The following NUDCD1 variants were observed in gnomAD, a reference collection of about 807,000 sequenced individuals.
NUDCD1 encodes nudC domain-containing protein 1.
Under a neutral mutation model 67.8 loss-of-function variants are expected in NUDCD1, and 60 were observed. That is an observed-to-expected ratio of 0.88 (90% CI 0.72 to 1.10). NUDCD1 has a LOEUF of 1.10. NUDCD1 is among the 50% of genes least tolerant of loss of function. The pLI, the probability that NUDCD1 is intolerant of heterozygous loss-of-function variation, is 0.00. For missense variants in NUDCD1, 643 were observed against 695.0 expected (o/e 0.93, Z 0.84); for synonymous variants, 244 against 230.8 (o/e 1.06, Z -0.52).
rs1439587996 is a variant in NUDCD1, at chr8:109,267,125, AT to A, written c.1299+3879del. Among the ~76,000 whole-genome samples the A allele has an allele frequency of 4.6e-5, 7 of 152,300 alleles. No individual in the cohort carries two copies. In the East Asian group the frequency reaches 7.7e-4, roughly 17 times the overall value. Reference sequence around the variant, plus strand: ...TAGTAATAGAAAAATCAAAACGCTTATAATTTTTAAATTTTATGTTCAGGGG... The same window carrying A: ...TAGTAATAGAAAAATCAAAACGCTTAAATTTTTAAATTTTATGTTCAGGGG... On this transcript the variant is annotated intron_variant, in intron 8 of 9. Coordinates refer to ENST00000239690, the MANE Select transcript of NUDCD1 (RefSeq NM_032869.4).
chr8:109,330,942 C>T (rs1449889919), intron 1 of NUDCD1, among the ~76,000 whole-genome samples: 2 of 152,040 alleles, frequency 1.3e-5, no homozygotes, highest in Non-Finnish European at 2.9e-5. Flanking sequence ...GCATGCTGGG[C>T]TTAATACCTA....
chr8:109,274,939 C>T (rs138217475), intron 7 of NUDCD1, among the ~76,000 whole-genome samples: 267 of 152,154 alleles, frequency 1.8e-3, no homozygotes, highest in African/African-American at 6.2e-3. Context: ...AATAACTATA[C>T]TATATATGAT....
At chr8:109,285,972 T>C (rs1357984822) in intron 5 of NUDCD1, among the ~76,000 whole-genome samples, 2 of 152,036 alleles carry the variant, frequency 1.3e-5, no homozygotes, top group Non-Finnish European at 1.5e-5. Context: ...AATCAATGTA[T>C]GAAAATCAGT....
At chr8:109,305,132 C>T (rs899303373) in intron 2 of NUDCD1, among the ~76,000 whole-genome samples, 5 of 152,136 alleles carry the variant, frequency 3.3e-5, no homozygotes, top group Admixed American at 3.3e-4. Flanking sequence ...TTCAGGCCCC[C>T]TCCCTTCCCT....
At chr8:109,279,648 T>C (rs1200442481) in intron 6 of NUDCD1, among the ~76,000 whole-genome samples, 1 of 152,154 alleles carries the variant, frequency 6.6e-6, no homozygotes, top group East Asian at 1.9e-4. Flanking sequence ...TTCTTTCTTT[T>C]TTTTTTGAGA....
chr8:109,276,227 G>C (rs1027063368), intron 6 of NUDCD1, among the ~76,000 whole-genome samples: 3 of 152,210 alleles, frequency 2.0e-5, no homozygotes, highest in African/African-American at 4.8e-5. Flanking sequence ...AAGGGAAAGA[G>C]AGCAGAGTCA....
At chr8:109,319,531 C>T (rs1001826438) in intron 2 of NUDCD1, among the ~76,000 whole-genome samples, 2 of 152,136 alleles carry the variant, frequency 1.3e-5, no homozygotes, top group African/African-American at 4.8e-5. Flanking sequence ...TCAAGGCAAG[C>T]TTGCTAGATG....
chr8:109,258,456 G>A (rs549100857), intron 8 of NUDCD1, among the ~76,000 whole-genome samples: 1 of 151,932 alleles, frequency 6.6e-6, no homozygotes, highest in African/African-American at 2.4e-5. Flanking sequence ...CAGGAACATA[G>A]ACTTCATCTC....
chr8:109,319,549 G>A (rs1345831042), intron 2 of NUDCD1, among the ~76,000 whole-genome samples: 2 of 152,136 alleles, frequency 1.3e-5, no homozygotes, highest in Non-Finnish European at 2.9e-5. Context: ...ATGACAAAAT[G>A]GTTACCTAGG....
At chr8:109,251,940 T>C (rs1813632129) in intron 8 of NUDCD1, among the ~76,000 whole-genome samples, 1 of 152,170 alleles carries the variant, frequency 6.6e-6, no homozygotes, top group South Asian at 2.1e-4. Context: ...ACGTGTGCCA[T>C]GTTTCATCTT....
chr8:109,294,290 A>G lies in NUDCD1; in HGVS notation c.460-766T>C, dbSNP rs563591903. Among the ~76,000 whole-genome samples, 7 of 152,210 alleles carry G rather than the reference A, an allele frequency of 4.6e-5. No homozygotes were observed. The South Asian group carries it at 1.5e-3, about 32-fold the overall frequency. ...CTGGTATCCCCACATATCTACTTCTACTTGAAAACCTTACAAAGAAAAATG... is the reference window on the plus strand; with the variant it reads ...CTGGTATCCCCACATATCTACTTCTGCTTGAAAACCTTACAAAGAAAAATG... On this transcript the variant is annotated intron_variant, in intron 3 of 9. Coordinates refer to ENST00000239690, the MANE Select transcript of NUDCD1 (RefSeq NM_032869.4).
chr8:109,255,950 C>T (rs1813726944), intron 8 of NUDCD1, among the ~76,000 whole-genome samples: 1 of 152,180 alleles, frequency 6.6e-6, no homozygotes, highest in Non-Finnish European at 1.5e-5. Flanking sequence ...TGACTCACAC[C>T]TGTTATCCCA....
chr8:109,247,917 C>T (rs1357452484), intron 8 of NUDCD1, among the ~76,000 whole-genome samples: 2 of 135,938 alleles, frequency 1.5e-5, no homozygotes, highest in African/African-American at 5.0e-5. Context: ...ATCTAAATCC[C>T]TTGGAACCTG....
At chr8:109,331,731 A>G (rs1457462807) in intron 1 of NUDCD1, among the ~76,000 whole-genome samples, 1 of 152,154 alleles carries the variant, frequency 6.6e-6, no homozygotes. Context: ...GTTTATGAAA[A>G]GATAGATGAG....
intron 5 of NUDCD1, among the ~76,000 whole-genome samples, chr8:109,284,547 A>C (rs1458524337): frequency 6.6e-6 from 1 of 152,146 alleles, no homozygotes; most frequent in Admixed American, 6.5e-5. Flanking sequence ...AGTCTCAATA[A>C]ATTATAAAAA....
chr8:109,279,595 A>T (rs1814381106), intron 6 of NUDCD1, among the ~76,000 whole-genome samples: 1 of 151,796 alleles, frequency 6.6e-6, no homozygotes, highest in South Asian at 2.1e-4. Flanking sequence ...TTTAATTTTG[A>T]TATGCAGAAA....
chr8:109,260,007 A>C (rs747487359), intron 8 of NUDCD1, among the ~76,000 whole-genome samples: 1 of 152,196 alleles, frequency 6.6e-6, no homozygotes, highest in East Asian at 1.9e-4. Context: ...AACAGTATGA[A>C]TATTTACCAG....
At position 109,245,928 on chromosome 8, in the gene NUDCD1, C is replaced by T. The variant is rs530476311; in HGVS notation, c.1300-447G>A. Among the ~76,000 whole-genome samples the T allele has an allele frequency of 2.0e-5, 3 of 152,294 alleles. No individual in the cohort carries two copies. The South Asian group carries it at 6.2e-4, about 32-fold the overall frequency. Reference sequence around the variant, plus strand: ...AGCAGCAGGCAAGGGAGCATTACTGCCTGAGCTCCACCTCCTGTCAGATCA... The same window carrying T: ...AGCAGCAGGCAAGGGAGCATTACTGTCTGAGCTCCACCTCCTGTCAGATCA... On this transcript the variant is annotated intron_variant, in intron 8 of 9. Transcript: ENST00000239690.
chr8:109,284,122 G>GCA (rs1814521162), intron 5 of NUDCD1, among the ~76,000 whole-genome samples: 1 of 151,824 alleles, frequency 6.6e-6, no homozygotes, highest in African/African-American at 2.4e-5. Flanking sequence ...ATGGAAAACA[G>GCA]AAAGCGCAGG....
Sources: allele counts gnomAD v4.1 joint callset (sites outside exome capture counted in the v4.1 genomes callset), GRCh38; gene constraint gnomAD v4.1.1; transcripts MANE v1.5; gene names NCBI Gene and HGNC (gene_info 2026-07-23, HGNC 2026-07-21).